ZFAND3: variants seen among roughly 807,000 people sequenced by gnomAD.
The protein encoded by ZFAND3 is zinc finger AN1-type containing 3.
A neutral mutation model predicts 29.6 loss-of-function variants in ZFAND3; 10 were observed. The observed-to-expected ratio is 0.34, with a 90% CI of 0.21 to 0.57. The LOEUF (loss-of-function observed/expected upper bound fraction) is 0.57, where lower values mean the gene tolerates loss of function less well. Ranked by LOEUF, ZFAND3 falls within the 20% of genes least tolerant of loss-of-function variation. The pLI is 0.86. For missense variants in ZFAND3, 230 were observed against 304.5 expected (o/e 0.76, Z 1.82); for synonymous variants, 128 against 112.6 (o/e 1.14, Z -0.87).
chr6:37,915,995 T>G (rs1351021716), intron 1 of ZFAND3, among the ~76,000 whole-genome samples: 2 of 151,660 alleles, frequency 1.3e-5, no homozygotes, highest in Non-Finnish European at 2.9e-5. Context: ...TCTCAAACTC[T>G]TGACCTCAGG....
intron 3 of ZFAND3, among the ~76,000 whole-genome samples, chr6:38,064,148 G>C (rs1764296674): frequency 6.6e-6 from 1 of 152,072 alleles, no homozygotes. Context: ...ATGGCCCTTG[G>C]GTTAAGAACT....
intron 3 of ZFAND3, among the ~76,000 whole-genome samples, chr6:38,076,563 G>A (rs558829667): frequency 6.6e-6 from 1 of 152,292 alleles, no homozygotes; most frequent in South Asian, 2.1e-4. Flanking sequence ...GATTTAAATA[G>A]TGTGAAAGAT....
At chr6:38,067,174 C>T (rs1764363422) in intron 3 of ZFAND3, among the ~76,000 whole-genome samples, 1 of 152,180 alleles carries the variant, frequency 6.6e-6, no homozygotes, top group Non-Finnish European at 1.5e-5. Flanking sequence ...CACAGTCAGC[C>T]CTGTGGAACC....
At chr6:38,102,235 T>G (rs999341101) in intron 4 of ZFAND3, among the ~76,000 whole-genome samples, 1 of 152,152 alleles carries the variant, frequency 6.6e-6, no homozygotes, top group Non-Finnish European at 1.5e-5. Context: ...AAAGCTTGCA[T>G]TATAAGTCAG....
intron 5 of ZFAND3, among the ~76,000 whole-genome samples, chr6:38,122,549 C>T (rs1407978895): frequency 6.6e-6 from 1 of 152,132 alleles, no homozygotes; most frequent in East Asian, 1.9e-4. Context: ...GCATACTTCC[C>T]ATCTTTCTTC....
At chr6:37,948,299 G>T (rs551173845) in intron 2 of ZFAND3, among the ~76,000 whole-genome samples, 1 of 152,134 alleles carries the variant, frequency 6.6e-6, no homozygotes. Context: ...TAAATATTTA[G>T]CATTTTTACA....
rs184008207 is a variant in ZFAND3, at chr6:37,915,993, T to G, written c.72-13966T>G. Among the ~76,000 whole-genome samples the G allele has an allele frequency of 2.4e-4, 37 of 151,774 alleles. No homozygotes were observed. In the East Asian group the frequency reaches 6.7e-3, roughly 27 times the overall value. On this transcript the variant is annotated intron_variant, in intron 1 of 5. Coordinates refer to ENST00000287218, the MANE Select transcript of ZFAND3 (RefSeq NM_021943.3). ...CATGTTGGTCAGGCTGGTCTCAAAC[T>G]CTTGACCTCAGGTGATCCGCCCGCC...
intron 2 of ZFAND3, among the ~76,000 whole-genome samples, chr6:37,962,584 A>C (rs1434383678): frequency 6.6e-6 from 1 of 152,200 alleles, no homozygotes; most frequent in Non-Finnish European, 1.5e-5. Flanking sequence ...CTCTGTGTCT[A>C]GCTAAAGGTT....
intron 3 of ZFAND3, among the ~76,000 whole-genome samples, chr6:38,069,544 C>T (rs1764411921): frequency 6.6e-6 from 1 of 152,134 alleles, no homozygotes; most frequent in Non-Finnish European, 1.5e-5. Context: ...TGCATTTATT[C>T]ATTCATCCCA....
At chr6:37,915,492 C>T (rs1581757999) in intron 1 of ZFAND3, 2 of 152,220 alleles carry the variant, frequency 1.3e-5, no homozygotes, top group East Asian at 3.8e-4. Context: ...TGACTCTTTT[C>T]AGTTGAACAC....
At chr6:37,825,071 A>G (rs540904031) in intron 1 of ZFAND3, among the ~76,000 whole-genome samples, 6 of 152,236 alleles carry the variant, frequency 3.9e-5, no homozygotes, top group African/African-American at 1.2e-4. Context: ...ATTGCTGTCA[A>G]ACATCACCTT....
intron 2 of ZFAND3, among the ~76,000 whole-genome samples, chr6:38,050,509 G>A (rs1764005749): frequency 1.3e-5 from 2 of 152,110 alleles, no homozygotes; most frequent in African/African-American, 4.8e-5. Context: ...TCGTGAAAGT[G>A]AGTGAGTTCC....
At chr6:38,029,627 C>G (rs1763511273) in intron 2 of ZFAND3, among the ~76,000 whole-genome samples, 1 of 152,086 alleles carries the variant, frequency 6.6e-6, no homozygotes, top group African/African-American at 2.4e-5. Flanking sequence ...GACATTCCCC[C>G]TCAAAAACCT....
At chr6:38,045,847 A>C (rs1293979046) in intron 2 of ZFAND3, among the ~76,000 whole-genome samples, 1 of 152,254 alleles carries the variant, frequency 6.6e-6, no homozygotes, top group Non-Finnish European at 1.5e-5. Context: ...TAATCATTAA[A>C]GACAGTGCAG....
chr6:38,061,220 T>A (rs1764232738), intron 2 of ZFAND3, among the ~76,000 whole-genome samples: 1 of 152,204 alleles, frequency 6.6e-6, no homozygotes, highest in Non-Finnish European at 1.5e-5. Flanking sequence ...CTGTTTACTC[T>A]GCTGTTTTCT....
chr6:37,884,782 A>G (rs1413734546), intron 1 of ZFAND3, among the ~76,000 whole-genome samples: 1 of 116,674 alleles, frequency 8.6e-6, no homozygotes, highest in Non-Finnish European at 1.7e-5. Context: ...AAGAAGAAAA[A>G]TTATCAGTGG....
intron 1 of ZFAND3, among the ~76,000 whole-genome samples, chr6:37,928,232 A>G (rs977835166): frequency 8.5e-5 from 13 of 152,194 alleles, no homozygotes; most frequent in African/African-American, 2.9e-4. Flanking sequence ...GGGGCAAACA[A>G]TCAGCATCAG....
rs902270448 is a variant in ZFAND3, at chr6:38,102,818, G to A, written c.362-13754G>A. Among the ~76,000 whole-genome samples the A allele has an allele frequency of 7.9e-5, 12 of 152,216 alleles. 1 individual carries two copies. Among genetic ancestry groups the A allele is most frequent in the Admixed American group, 3.3e-4 (5 of 15,292 alleles). ...GTCCCCCAGGCTGGAATGCAGTGGC[G>A]CGATCTCGGCTCACTGCAACCTCCG... On this transcript the variant is annotated intron_variant, in intron 4 of 5. Coordinates refer to ENST00000287218, the MANE Select transcript of ZFAND3 (RefSeq NM_021943.3).
chr6:38,051,004 T>A (rs1302220910), intron 2 of ZFAND3, among the ~76,000 whole-genome samples: 1 of 152,056 alleles, frequency 6.6e-6, no homozygotes, highest in African/African-American at 2.4e-5. Context: ...TGAGTAGAAA[T>A]ACTCAGGGAG....
Sources: allele counts gnomAD v4.1 joint callset (sites outside exome capture counted in the v4.1 genomes callset), GRCh38; gene constraint gnomAD v4.1.1; transcripts MANE v1.5; gene names NCBI Gene and HGNC (gene_info 2026-07-23, HGNC 2026-07-21).